CACNA2D3: variants seen among roughly 807,000 people sequenced by gnomAD.
The protein encoded by CACNA2D3 is voltage-dependent calcium channel subunit alpha-2/delta-3.
Under a neutral mutation model 160.6 loss-of-function variants are expected in CACNA2D3, and 60 were observed. That is an observed-to-expected ratio of 0.37 (90% CI 0.30 to 0.46). The LOEUF is 0.46. Among genes scored for constraint, CACNA2D3 ranks in the 20% least tolerant of loss-of-function variants. The pLI is 1.00. For synonymous variants in CACNA2D3, 558 were observed against 492.9 expected, an observed-to-expected ratio of 1.13 and a Z score of -1.75; for missense variants, 1,205 against 1,365.0, an observed-to-expected ratio of 0.88 and a Z score of 1.85.
intron 5 of CACNA2D3, among the ~76,000 whole-genome samples, chr3:54,513,240 C>G (rs1332436370): frequency 6.6e-6 from 1 of 152,108 alleles, no homozygotes; most frequent in Non-Finnish European, 1.5e-5. Context: ...TAAAGAAAAT[C>G]TTTTCATTTT....
At chr3:54,271,931 AAGTCCC>A (rs1359549902) in intron 2 of CACNA2D3, among the ~76,000 whole-genome samples, 1 of 152,250 alleles carries the variant, frequency 6.6e-6, no homozygotes, top group Non-Finnish European at 1.5e-5. Flanking sequence ...TGCTTAGGCA[AAGTCCC>A]CAGTGGCTTG....
At chr3:54,611,791 A>G (rs931258299) in intron 9 of CACNA2D3, among the ~76,000 whole-genome samples, 1 of 152,146 alleles carries the variant, frequency 6.6e-6, no homozygotes, top group African/African-American at 2.4e-5. Context: ...GTGGAGAGAG[A>G]AGAGTGAAAA....
At chr3:54,817,056 G>A (rs569423752) in intron 14 of CACNA2D3, among the ~76,000 whole-genome samples, 186 bp downstream of exon 14, 37 of 152,278 alleles carry the variant, frequency 2.4e-4, no homozygotes, top group Admixed American at 1.6e-3. Flanking sequence ...CCTTTGCTGA[G>A]TTAGTCCCTC....
chr3:54,583,615 A>T (rs1273643095), intron 9 of CACNA2D3, among the ~76,000 whole-genome samples: 1 of 152,176 alleles, frequency 6.6e-6, no homozygotes, highest in Non-Finnish European at 1.5e-5. Flanking sequence ...TAATCTGAAA[A>T]TCTGAAATCC....
At chr3:54,240,380 C>G (rs1701953637) in intron 2 of CACNA2D3, among the ~76,000 whole-genome samples, 1 of 152,080 alleles carries the variant, frequency 6.6e-6, no homozygotes, top group South Asian at 2.1e-4. Flanking sequence ...CCCAAGAGAA[C>G]AGTAATTACT....
At chr3:54,497,342 C>T (rs537049874) in intron 4 of CACNA2D3, among the ~76,000 whole-genome samples, 2 of 151,938 alleles carry the variant, frequency 1.3e-5, no homozygotes, top group African/African-American at 4.8e-5. Context: ...TTAATATACA[C>T]CTATTATAGT....
chr3:54,659,314 G>A (rs186043610), intron 11 of CACNA2D3, among the ~76,000 whole-genome samples: 2 of 152,298 alleles, frequency 1.3e-5, no homozygotes, highest in East Asian at 3.9e-4. Context: ...TGGCAGGAGG[G>A]TGTGAATGCC....
chr3:54,417,000 A>G (rs1339159475), intron 4 of CACNA2D3, among the ~76,000 whole-genome samples: 2 of 152,208 alleles, frequency 1.3e-5, no homozygotes, highest in African/African-American at 4.8e-5. Context: ...AGCTATAGAC[A>G]TGGTATGTCT....
intron 3 of CACNA2D3, among the ~76,000 whole-genome samples, chr3:54,327,309 A>T (rs550944753): frequency 6.6e-6 from 1 of 152,336 alleles, no homozygotes; most frequent in South Asian, 2.1e-4. Flanking sequence ...GAACCACTGG[A>T]TGACTTGTAT....
intron 4 of CACNA2D3, among the ~76,000 whole-genome samples, chr3:54,431,181 AC>A (rs1458363764): frequency 6.6e-6 from 1 of 152,084 alleles, no homozygotes; most frequent in African/African-American, 2.4e-5. Flanking sequence ...TACTAAAAAT[AC>A]AAAAATTAGC....
At chr3:54,944,880 CTGTT>C (rs1320738630) in intron 27 of CACNA2D3, among the ~76,000 whole-genome samples, 1 of 151,354 alleles carries the variant, frequency 6.6e-6, no homozygotes, top group Non-Finnish European at 1.5e-5. Flanking sequence ...ATTTAGTTGT[CTGTT>C]TTTCTTTCTT....
At chr3:54,992,768 C>G (rs1316735568) in intron 31 of CACNA2D3, among the ~76,000 whole-genome samples, 1 of 133,422 alleles carries the variant, frequency 7.5e-6, no homozygotes, top group Non-Finnish European at 1.6e-5. Flanking sequence ...TAAAGAAATA[C>G]CTGAACAACA....
intron 8 of CACNA2D3, among the ~76,000 whole-genome samples, chr3:54,575,669 AG>A (rs1479418535): frequency 6.6e-6 from 1 of 152,062 alleles, no homozygotes; most frequent in Non-Finnish European, 1.5e-5. Context: ...GAGAGGGAGT[AG>A]TTGGGGGGCT....
At chr3:54,493,357 G>A (rs922721527) in intron 4 of CACNA2D3, among the ~76,000 whole-genome samples, 12 of 152,206 alleles carry the variant, frequency 7.9e-5, no homozygotes, top group Admixed American at 2.6e-4. Context: ...GATTTCAGGC[G>A]TGAGCAACCG....
At chr3:54,906,795 G>T (rs1700457682) in intron 27 of CACNA2D3, among the ~76,000 whole-genome samples, 1 of 152,188 alleles carries the variant, frequency 6.6e-6, no homozygotes, top group Non-Finnish European at 1.5e-5. Context: ...ACAGAAGCAG[G>T]TCTAAGCCAG....
At chr3:54,548,567 T>C (rs1159701906) in intron 5 of CACNA2D3, among the ~76,000 whole-genome samples, 5 of 152,200 alleles carry the variant, frequency 3.3e-5, no homozygotes, top group Non-Finnish European at 7.3e-5. Flanking sequence ...GACCTGGCCA[T>C]TCTGATCCCC....
intron 2 of CACNA2D3, among the ~76,000 whole-genome samples, chr3:54,195,572 ATGTGGAAAG>A (rs1161988271): frequency 6.6e-6 from 1 of 152,212 alleles, no homozygotes; most frequent in Non-Finnish European, 1.5e-5. Context: ...ACTTTTGTAA[ATGTGGAAAG>A]TGGGGTACAA....
At chr3:54,173,700 T>C (rs1700616076) in intron 2 of CACNA2D3, among the ~76,000 whole-genome samples, 1 of 152,152 alleles carries the variant, frequency 6.6e-6, no homozygotes, top group South Asian at 2.1e-4. Flanking sequence ...ATTGAACAGG[T>C]GTTGTTTGGC....
rs374866584 is a variant in CACNA2D3 at position 54,240,190 on chromosome 3, T to G, written c.205-80252T>G. On this transcript the variant is annotated intron_variant, in intron 2 of 37. Coordinates refer to ENST00000474759, the MANE Select transcript of CACNA2D3 (RefSeq NM_018398.3). ...CATCAAGACAGGAGAAAAGAATTCA[T>G]TGGTGATGGTCATATTAGGTGTATT... Among the ~76,000 whole-genome samples, 4 of 152,028 alleles carry G rather than the reference T, an allele frequency of 2.6e-5. No homozygotes were observed. The East Asian group carries it at 5.8e-4, about 22-fold the overall frequency.
Sources: allele counts gnomAD v4.1 joint callset (sites outside exome capture counted in the v4.1 genomes callset), GRCh38; gene constraint gnomAD v4.1.1; transcripts MANE v1.5; gene names NCBI Gene and HGNC (gene_info 2026-07-23, HGNC 2026-07-21).